RBFOX1: variants seen among roughly 807,000 people sequenced by gnomAD.
The protein encoded by RBFOX1 is RNA binding protein fox-1 homolog 1.
In RBFOX1, 8 loss-of-function variants were observed where a neutral mutation model predicts 57.7. That is an observed-to-expected ratio of 0.14 (90% CI 0.08 to 0.25). The LOEUF is 0.25. RBFOX1 is among the 10% of genes least tolerant of loss of function. RBFOX1 has a pLI of 1.00. For missense variants in RBFOX1, 611 were observed against 548.5 expected (o/e 1.11, Z -1.14); for synonymous variants, 326 against 222.4 (o/e 1.47, Z -4.15).
intron 3 of RBFOX1, chr16:6,983,598 C>T (rs1299622077): frequency 1.3e-5 from 2 of 152,056 alleles, no homozygotes; most frequent in Non-Finnish European, 2.9e-5. Context: ...AAAGCATTGG[C>T]AACATGGCAA....
At chr16:5,834,013 A>G (rs2056371047) in intron 3 of RBFOX1, among the ~76,000 whole-genome samples, 1 of 152,200 alleles carries the variant, frequency 6.6e-6, no homozygotes, top group Admixed American at 6.5e-5. Flanking sequence ...AAACAGATAC[A>G]GATTTTTATC....
chr16:6,830,012 G>T lies in RBFOX1; in HGVS notation c.-16+175362G>T, dbSNP rs142963260. On this transcript the variant is annotated intron_variant, in intron 3 of 15. Transcript: ENST00000550418. ...GCTCTCTGCCACCTCCGCCTTCTGG[G>T]TTCAAGTGATTCTCATGCCTCAGCC... 2.3e-3 allele frequency among the ~76,000 whole-genome samples: 347 copies of T among 152,192 alleles called. 2 individuals are homozygous for T. The highest frequency in any genetic ancestry group is 0.016 in the Admixed American group (241 of 15,270).
intron 3 of RBFOX1, among the ~76,000 whole-genome samples, chr16:6,959,972 G>T (rs116321238): frequency 6.6e-6 from 1 of 152,074 alleles, no homozygotes; most frequent in Non-Finnish European, 1.5e-5. Context: ...AAGAAAGCCA[G>T]TGCCCTTAAA....
At chr16:6,909,010 A>G (rs1039430608) in intron 3 of RBFOX1, among the ~76,000 whole-genome samples, 3 of 152,102 alleles carry the variant, frequency 2.0e-5, no homozygotes, top group African/African-American at 7.2e-5. Flanking sequence ...TTAGACTTCC[A>G]TTTCTGTAGG....
intron 4 of RBFOX1, among the ~76,000 whole-genome samples, chr16:7,468,151 A>G (rs764849982): frequency 2.6e-5 from 4 of 152,194 alleles, no homozygotes; most frequent in African/African-American, 9.7e-5. Context: ...CCCTGGCATT[A>G]AATCTCCACA....
intron 2 of RBFOX1, among the ~76,000 whole-genome samples, chr16:6,333,579 C>T (rs983700204): frequency 1.1e-4 from 16 of 151,994 alleles, no homozygotes; most frequent in Admixed American, 3.3e-4. Context: ...GTTTGGTTTA[C>T]GAAATGGTCC....
At chr16:5,986,660 T>C (rs2060292600) in intron 4 of RBFOX1, among the ~76,000 whole-genome samples, 1 of 152,232 alleles carries the variant, frequency 6.6e-6, no homozygotes, top group Non-Finnish European at 1.5e-5. Flanking sequence ...GGATGGGCTT[T>C]TTTTCACTTA....
At chr16:6,452,210 C>T (rs2094645557) in intron 2 of RBFOX1, among the ~76,000 whole-genome samples, 1 of 151,000 alleles carries the variant, frequency 6.6e-6, no homozygotes, top group African/African-American at 2.4e-5. Context: ...CTTCTTCCTT[C>T]CATGACTCCA....
chr16:6,178,614 G>A (rs2097034029), intron 1 of RBFOX1, among the ~76,000 whole-genome samples: 1 of 152,188 alleles, frequency 6.6e-6, no homozygotes, highest in African/African-American at 2.4e-5. Flanking sequence ...AATGTGTTTA[G>A]TTCTGTTACT....
intron 4 of RBFOX1, among the ~76,000 whole-genome samples, chr16:5,932,360 C>G (rs1458413756): frequency 6.6e-6 from 1 of 152,182 alleles, no homozygotes; most frequent in Admixed American, 6.5e-5. Flanking sequence ...AGTCCTGAAA[C>G]GTCAAGGAAC....
At chr16:7,338,093 C>A (rs925116283) in intron 4 of RBFOX1, among the ~76,000 whole-genome samples, 1 of 152,142 alleles carries the variant, frequency 6.6e-6, no homozygotes. Context: ...GCAGGGTGTG[C>A]AGGTTTGTTA....
At chr16:7,022,648 C>T (rs1254105711) in intron 3 of RBFOX1, among the ~76,000 whole-genome samples, 4 of 152,130 alleles carry the variant, frequency 2.6e-5, no homozygotes, top group East Asian at 1.9e-4. Context: ...ATATTAGGCC[C>T]ATCCCCGTAT....
chr16:5,674,915 G>C (rs747103889), intron 3 of RBFOX1, among the ~76,000 whole-genome samples: 3 of 152,122 alleles, frequency 2.0e-5, no homozygotes, highest in African/African-American at 7.2e-5. Context: ...GGAAGGCTGA[G>C]GCAGGAGGAT....
At chr16:6,907,960 C>G (rs2070495784) in intron 3 of RBFOX1, among the ~76,000 whole-genome samples, 1 of 151,660 alleles carries the variant, frequency 6.6e-6, no homozygotes, top group South Asian at 2.1e-4. Flanking sequence ...ACATAGAGTT[C>G]TCCCCGTGAG....
intron 4 of RBFOX1, among the ~76,000 whole-genome samples, chr16:7,265,118 A>C (rs1253700784): frequency 6.6e-6 from 1 of 152,264 alleles, no homozygotes; most frequent in Non-Finnish European, 1.5e-5. Context: ...ACTAATAAAG[A>C]CTAGACTCTG....
intron 4 of RBFOX1, among the ~76,000 whole-genome samples, chr16:7,073,897 G>GA (rs973134014): frequency 3.2e-4 from 47 of 146,284 alleles, no homozygotes; most frequent in African/African-American, 5.9e-4. Flanking sequence ...GTGTAGAAAA[G>GA]AAAAAAAAAT....
intron 3 of RBFOX1, among the ~76,000 whole-genome samples, chr16:6,931,341 A>ATCTATCTAT (rs201396857): frequency 9.6e-5 from 7 of 73,082 alleles, no homozygotes; most frequent in Non-Finnish European, 1.4e-4. Context: ...ATCTATCTCT[A>ATCTATCTAT]CACACACACA....
At chr16:5,538,053 G>C (rs920167461) in intron 2 of RBFOX1, among the ~76,000 whole-genome samples, 1 of 152,084 alleles carries the variant, frequency 6.6e-6, no homozygotes, top group Admixed American at 6.5e-5. Context: ...TGACACACGA[G>C]CCTGGAGCCC....
intron 1 of RBFOX1, among the ~76,000 whole-genome samples, chr16:5,362,061 A>G (rs966723343): frequency 6.6e-6 from 1 of 152,232 alleles, no homozygotes; most frequent in Non-Finnish European, 1.5e-5. Context: ...AAATTGTAGT[A>G]AGAACATTTA....
Sources: gnomAD v4.1 joint callset for allele counts (sites outside exome capture counted in the v4.1 genomes callset) on GRCh38, gnomAD v4.1.1 for gene constraint, MANE v1.5 for transcripts, NCBI Gene and HGNC (gene_info 2026-07-23, HGNC 2026-07-21) for gene names.